Variants in CHST8 observed in about 807,000 individuals in gnomAD.
The protein encoded by CHST8 is GALNAC-4-ST1.
A neutral mutation model predicts 15.0 loss-of-function variants in CHST8; 10 were observed. That is an observed-to-expected ratio of 0.67 (90% CI 0.41 to 1.13). The LOEUF is 1.13. Ranked by LOEUF, CHST8 falls within the 50% of genes most tolerant of loss-of-function variation. The pLI is 0.00. For synonymous variants in CHST8, 259 were observed against 256.6 expected (o/e 1.01, Z -0.09); for missense variants, 634 against 608.2 (o/e 1.04, Z -0.45).
chr19:33,698,424 A>C (rs1453178696), intron 3 of CHST8, among the ~76,000 whole-genome samples: 6 of 149,138 alleles, frequency 4.0e-5, no homozygotes, highest in Admixed American at 2.0e-4. Context: ...AGAAAGAAAG[A>C]AAGCTCATTC....
intron 3 of CHST8, among the ~76,000 whole-genome samples, chr19:33,719,376 G>T (rs900127601): frequency 1.3e-5 from 2 of 152,172 alleles, no homozygotes; most frequent in Admixed American, 6.5e-5. Context: ...TTGCTGGGGA[G>T]ATGGGGACTG....
At chr19:33,662,718 G>C (rs1972603073) in intron 1 of CHST8, among the ~76,000 whole-genome samples, 2 of 152,184 alleles carry the variant, frequency 1.3e-5, no homozygotes, top group South Asian at 4.1e-4. Flanking sequence ...GAGAGGAAAA[G>C]GTGGTGGAGA....
At chr19:33,757,744 T>C (rs1168578258) in intron 3 of CHST8, among the ~76,000 whole-genome samples, 2 of 151,662 alleles carry the variant, frequency 1.3e-5, no homozygotes, top group Non-Finnish European at 2.9e-5. Flanking sequence ...AGATGGGATC[T>C]CACTATGTTG....
At chr19:33,715,913 C>T (rs1316363079) in intron 3 of CHST8, among the ~76,000 whole-genome samples, 1 of 152,174 alleles carries the variant, frequency 6.6e-6, no homozygotes, top group African/African-American at 2.4e-5. Flanking sequence ...GTCAGGAAGT[C>T]CATAGAGGCT....
intron 3 of CHST8, among the ~76,000 whole-genome samples, chr19:33,742,600 T>A (rs1452990716): frequency 6.6e-6 from 1 of 152,192 alleles, no homozygotes; most frequent in Non-Finnish European, 1.5e-5. Flanking sequence ...CATTGGGGAT[T>A]TCATTTCAAC....
At chr19:33,708,334 T>C (rs1023028872) in intron 3 of CHST8, among the ~76,000 whole-genome samples, 1 of 152,224 alleles carries the variant, frequency 6.6e-6, no homozygotes, top group Non-Finnish European at 1.5e-5. Flanking sequence ...GATTTTCTCT[T>C]ATGTTTTCTT....
intron 3 of CHST8, among the ~76,000 whole-genome samples, chr19:33,740,385 G>A (rs1039240858): frequency 7.2e-5 from 11 of 152,192 alleles, no homozygotes; most frequent in African/African-American, 1.4e-4. Flanking sequence ...GCAACTGCTG[G>A]GCTGAGAAGA....
intron 3 of CHST8, among the ~76,000 whole-genome samples, chr19:33,751,518 C>T (rs1369811868): frequency 6.6e-6 from 1 of 152,216 alleles, no homozygotes; most frequent in African/African-American, 2.4e-5. Flanking sequence ...GTGTGGGCAG[C>T]CCAAGGCCAA....
At chr19:33,635,690 T>C (rs892722348) in intron 1 of CHST8, among the ~76,000 whole-genome samples, 5 of 152,138 alleles carry the variant, frequency 3.3e-5, no homozygotes, top group African/African-American at 1.2e-4. Context: ...GCGGGCTTAG[T>C]TCCCCGGAGA....
chr19:33,722,313 G>A (rs1973815066), intron 3 of CHST8, among the ~76,000 whole-genome samples: 1 of 151,736 alleles, frequency 6.6e-6, no homozygotes, highest in African/African-American at 2.4e-5. Context: ...ACAGATGGGT[G>A]GGTGCATGGG....
rs535594643 is a variant in CHST8 at position 33,720,368 on chromosome 19, A to G, written c.130+30977A>G. 1.7e-4 allele frequency among the ~76,000 whole-genome samples: 26 copies of G among 151,070 alleles called. No individual in the cohort carries two copies. The South Asian group carries it at 3.4e-3, about 20-fold the overall frequency. On this transcript the variant is annotated intron_variant, in intron 3 of 4. Coordinates refer to ENST00000650847, the MANE Select transcript of CHST8 (RefSeq NM_001127895.2). ...CATACACACCACACATGCATCACAC[A>G]TACCCCACATACACCACACATGCAC...
chr19:33,629,621 C>T (rs973233274), intron 1 of CHST8, among the ~76,000 whole-genome samples: 6 of 152,364 alleles, frequency 3.9e-5, no homozygotes, highest in African/African-American at 1.2e-4. Context: ...CCCCATTTCC[C>T]GTTGTGCCCA....
intron 3 of CHST8, among the ~76,000 whole-genome samples, chr19:33,768,584 T>C (rs985637444): frequency 6.6e-6 from 1 of 152,112 alleles, no homozygotes; most frequent in Non-Finnish European, 1.5e-5. Flanking sequence ...ACTGAGTAGC[T>C]GGGATAACAG....
chr19:33,762,044 A>G (rs110777), intron 3 of CHST8, among the ~76,000 whole-genome samples: 55,438 of 152,094 alleles, frequency 0.36, 11,923 homozygotes, highest in African/African-American at 0.6. Flanking sequence ...GCTGTGGTGC[A>G]TTTCCTCGGC....
At chr19:33,767,028 C>A (rs1456474107) in intron 3 of CHST8, among the ~76,000 whole-genome samples, 3 of 152,246 alleles carry the variant, frequency 2.0e-5, no homozygotes, top group Non-Finnish European at 4.4e-5. Context: ...TGTCCCTCTG[C>A]AGATTTGACT....
At chr19:33,762,864 C>CTCTT (rs1974765428) in intron 3 of CHST8, among the ~76,000 whole-genome samples, 1 of 116,450 alleles carries the variant, frequency 8.6e-6, no homozygotes, top group Non-Finnish European at 1.9e-5. Context: ...AGTTTTCTCT[C>CTCTT]TTTTTTTTTT....
rs1568331127 is a variant in CHST8 at position 33,694,202 on chromosome 19, AT to A, written c.130+4812del. Among the ~76,000 whole-genome samples, 90 of 89,144 alleles carry A rather than the reference AT, an allele frequency of 1.0e-3. 4 individuals carry two copies. Among genetic ancestry groups the A allele is most frequent in the African/African-American group, 3.9e-3 (82 of 20,900 alleles). 58.5% of individuals were successfully genotyped at this position (89,144 alleles called of 152,430 possible). A position where few individuals can be genotyped will look rare whatever the true frequency, so the allele number is the denominator to read the frequency against. ...TATATATATATATATATATATATAT[AT>A]ATATATATATATATATAATGTTACC... On this transcript the variant is annotated intron_variant, in intron 3 of 4. Coordinates refer to ENST00000650847, the MANE Select transcript of CHST8 (RefSeq NM_001127895.2).
At chr19:33,671,240 G>C (rs1972733788) in intron 2 of CHST8, among the ~76,000 whole-genome samples, 1 of 152,172 alleles carries the variant, frequency 6.6e-6, no homozygotes, top group Admixed American at 6.5e-5. Context: ...CAGCATCAAA[G>C]TAAAAACTAT....
rs896926436 is a variant in CHST8 at position 33,773,456 on chromosome 19, G to C, written c.*393G>C. 2 of 211,872 alleles carry C rather than the reference G, an allele frequency of 9.4e-6. No homozygotes were observed. The highest frequency in any genetic ancestry group is 5.1e-5 in the Admixed American group (1 of 19,474). 13.1% of individuals were successfully genotyped at this position (211,872 alleles called of 1,614,324 possible). On this transcript the variant is annotated 3_prime_UTR_variant, in exon 5 of 5. Transcript: ENST00000650847. ...GGTTTGCAGCTTTTCTACGAGCCAG[G>C]GGGGAGGTTCCCTTGGATTAAGGTT...
Sources: allele counts gnomAD v4.1 joint callset (sites outside exome capture counted in the v4.1 genomes callset), GRCh38; gene constraint gnomAD v4.1.1; transcripts MANE v1.5; gene names NCBI Gene and HGNC (gene_info 2026-07-23, HGNC 2026-07-21).